ZNF677: variants seen among roughly 807,000 people sequenced by gnomAD.
ZNF677 encodes the protein zinc finger protein 677, also known as hypothetical protein MGC48625.
Under a neutral mutation model 8.1 loss-of-function variants are expected in ZNF677, and 5 were observed. The observed-to-expected ratio is 0.62, with a 90% CI of 0.32 to 1.29. The LOEUF is 1.29. ZNF677 is among the 50% of genes most tolerant of loss of function. The pLI is 0.05. For missense variants in ZNF677, 685 were observed against 685.9 expected, an observed-to-expected ratio of 1.00 and a Z score of 0.01; for synonymous variants, 221 against 225.6, an observed-to-expected ratio of 0.98 and a Z score of 0.18.
chr19:53,251,745 G>GA (rs2091237494), intron 2 of ZNF677, 140 bp from the exon 3 acceptor site: 2 of 604,298 alleles, frequency 3.3e-6, no homozygotes, highest in African/African-American at 3.8e-5. Flanking sequence ...ATAAACTCAT[G>GA]AAAAAAATTA....
intron 3 of ZNF677, among the ~76,000 whole-genome samples, chr19:53,245,792 T>A (rs1006663121): frequency 6.6e-6 from 1 of 151,756 alleles, no homozygotes; most frequent in African/African-American, 2.4e-5. Flanking sequence ...GGTGGGCAGA[T>A]CATGAGATCA....
intron 3 of ZNF677, among the ~76,000 whole-genome samples, chr19:53,244,488 G>A (rs1351747991): frequency 2.0e-5 from 3 of 152,134 alleles, no homozygotes; most frequent in South Asian, 2.1e-4. Flanking sequence ...AAGAAATGCC[G>A]TACCCATTAA....
At chr19:53,245,431 C>CA (rs1407462976) in intron 3 of ZNF677, among the ~76,000 whole-genome samples, 2 of 151,748 alleles carry the variant, frequency 1.3e-5, no homozygotes, top group African/African-American at 2.4e-5. Flanking sequence ...ACTCAAGAGC[C>CA]AAAAAAACTA....
Position 53,251,591 on chromosome 19 carries a change from CTCAGGTAAG to C in ZNF677, c.-50_-42del, listed in dbSNP as rs1157836878. On this transcript the variant is annotated 5_prime_UTR_variant, in exon 3 of 5. Coordinates refer to ENST00000598513, the MANE Select transcript of ZNF677 (RefSeq NM_182609.4). ...CTTTCCTCTTCCTCTGAGTTTCTTT[CTCAGGTAAG>C]TCAGTCTGTATGTCAAAAATATGTT... is the stretch of plus-strand genomic sequence containing the variant. 11 of 1,613,216 alleles carry C rather than the reference CTCAGGTAAG, an allele frequency of 6.8e-6. No individual in the cohort carries two copies. The highest frequency in any genetic ancestry group is 8.5e-6 in the Non-Finnish European group (10 of 1,179,648).
At chr19:53,251,064 T>A (rs559223663) in intron 3 of ZNF677, among the ~76,000 whole-genome samples, 22 of 152,368 alleles carry the variant, frequency 1.4e-4, no homozygotes, top group Non-Finnish European at 1.5e-4. Flanking sequence ...AGAAACACAC[T>A]GATTCAATTG....
At chr19:53,248,511 ACTCC>A (rs1246683872) in intron 3 of ZNF677, among the ~76,000 whole-genome samples, 2 of 151,630 alleles carry the variant, frequency 1.3e-5, no homozygotes, top group Non-Finnish European at 2.9e-5. Flanking sequence ...ACTAATGCAA[ACTCC>A]CTCAGCTCTT....
intron 4 of ZNF677, chr19:53,240,865 T>G (rs2091038767): frequency 6.6e-6 from 1 of 152,046 alleles, no homozygotes; most frequent in African/African-American, 2.4e-5. Context: ...AATGTAGGTT[T>G]ATCAATTTTA....
chr19:53,237,236 A>C lies in ZNF677; in HGVS notation c.1491T>G (p.Thr497=). 6.2e-7 allele frequency: 1 copy of C among 1,612,438 alleles called. No homozygotes were observed. Among genetic ancestry groups the C allele is most frequent in the Non-Finnish European group, 8.5e-7 (1 of 1,178,824 alleles). ...TATGCTGAGTAAGATTTGAACGTTC[A>C]GTAAAGGCTTTGCCACATTCAGTAC... ...YKCTECGKAF[T]ERSNLTQHKK... The change falls in exon 5 of 5, where the codon ACT becomes ACG. Residue 497 remains threonine, a synonymous_variant. Transcript: ENST00000598513.
intron 3 of ZNF677, among the ~76,000 whole-genome samples, chr19:53,245,116 C>T (rs2091115370): frequency 6.6e-6 from 1 of 152,092 alleles, no homozygotes; most frequent in African/African-American, 2.4e-5. Flanking sequence ...TGACTAAAGA[C>T]TCAAGGTAAA....
chr19:53,245,975 G>A (rs150728683), intron 3 of ZNF677, among the ~76,000 whole-genome samples: 3,745 of 151,728 alleles, frequency 0.025, 78 homozygotes, highest in Non-Finnish European at 0.035. Flanking sequence ...TTGTGCCACT[G>A]CATTCCAGCC....
At chr19:53,243,995 G>T in intron 3 of ZNF677, 98 bp from the exon 4 acceptor site, 2 of 1,152,174 alleles carry the variant, frequency 1.7e-6, no homozygotes, top group Non-Finnish European at 1.2e-6. Flanking sequence ...TGATTTATGT[G>T]AGTTAATGCA....
At chr19:53,251,752 AT>A in intron 2 of ZNF677, 147 bp from the exon 3 acceptor site, 1 of 598,726 alleles carries the variant, frequency 1.7e-6, no homozygotes, top group Non-Finnish European at 2.9e-6. Flanking sequence ...CATGAAAAAA[AT>A]TAACTCCTAA....
At chr19:53,243,417 G>C (rs2914379) in intron 4 of ZNF677, 296,987 of 424,798 alleles carry the variant, frequency 0.7, 104,731 homozygotes, top group East Asian at 0.8. Flanking sequence ...GAATGCTTAG[G>C]GATTATTTTA....
At chr19:53,243,651 C>T in intron 4 of ZNF677, 93 bp downstream of exon 4, 2 of 1,546,616 alleles carry the variant, frequency 1.3e-6, no homozygotes, top group Middle Eastern at 3.5e-4. Flanking sequence ...TTTCAATCTC[C>T]CCTTTTAGAA....
intron 3 of ZNF677, among the ~76,000 whole-genome samples, chr19:53,245,898 G>C (rs933945830): frequency 1.3e-5 from 2 of 152,066 alleles, no homozygotes; most frequent in Non-Finnish European, 2.9e-5. Flanking sequence ...TGTAATCCCA[G>C]CTACTCAGGA....
intron 1 of ZNF677, among the ~76,000 whole-genome samples, chr19:53,253,842 GA>G (rs1457259712): frequency 1.9e-4 from 29 of 152,178 alleles, no homozygotes; most frequent in African/African-American, 6.5e-4. Context: ...GTCAAATTTA[GA>G]AAATGACACA....
intron 4 of ZNF677, chr19:53,242,317 G>C (rs1160130814): frequency 5.0e-6 from 2 of 398,624 alleles, no homozygotes; most frequent in Non-Finnish European, 8.8e-6. Flanking sequence ...TAAGTTCCCG[G>C]ATAGAGTAGA....
At position 53,236,942 on chromosome 19, in the gene ZNF677, T is replaced by C. The variant is rs762014680; in HGVS notation, c.*30A>G. Reference sequence around the variant, plus strand: ...GGCTTTACCACATTTTCGTTTTATATGGTTTCTTTTCACAATGGAGCCCCT... The same window carrying C: ...GGCTTTACCACATTTTCGTTTTATACGGTTTCTTTTCACAATGGAGCCCCT... On this transcript the variant is annotated 3_prime_UTR_variant, in exon 5 of 5. Transcript: ENST00000598513. 2.6e-6 allele frequency: 4 copies of C among 1,516,314 alleles called. No individual in the cohort carries two copies. The highest frequency in any genetic ancestry group is 1.8e-6 in the Non-Finnish European group (2 of 1,139,390). The allele number at this position is 1,516,314 out of a possible 1,614,324, so 93.9% of individuals were successfully genotyped here. A position where few individuals can be genotyped will look rare whatever the true frequency, so the allele number is the denominator to read the frequency against.
intron 3 of ZNF677, among the ~76,000 whole-genome samples, chr19:53,245,915 G>A (rs1286428315): frequency 6.6e-6 from 1 of 152,138 alleles, no homozygotes; most frequent in Admixed American, 6.5e-5. Flanking sequence ...AGGAGGCTGA[G>A]ACAGGGGAAT....
Sources: allele counts gnomAD v4.1 joint callset (sites outside exome capture counted in the v4.1 genomes callset), GRCh38; gene constraint gnomAD v4.1.1; transcripts MANE v1.5; gene names NCBI Gene and HGNC (gene_info 2026-07-23, HGNC 2026-07-21).